Variants in NRXN3 observed in about 807,000 individuals in gnomAD.
NRXN3 encodes the protein neurexin III.
In NRXN3, 32 loss-of-function variants were observed where a neutral mutation model predicts 137.6. That is an observed-to-expected ratio of 0.23 (90% CI 0.18 to 0.31). The LOEUF is 0.31. NRXN3 is among the 10% of genes least tolerant of loss of function. The pLI is 1.00. For synonymous variants in NRXN3, 798 were observed against 784.5 expected (o/e 1.02, Z -0.29); for missense variants, 1,574 against 2,062.5 (o/e 0.76, Z 4.59).
chr14:79,354,000 A>G (rs1185536410), intron 15 of NRXN3, among the ~76,000 whole-genome samples: 1 of 152,158 alleles, frequency 6.6e-6, no homozygotes, highest in Non-Finnish European at 1.5e-5. Flanking sequence ...GCTGGTTTCT[A>G]TAACAGCTAC....
At chr14:79,540,993 G>C (rs1311551806) in intron 16 of NRXN3, among the ~76,000 whole-genome samples, 5 of 152,108 alleles carry the variant, frequency 3.3e-5, no homozygotes, top group Non-Finnish European at 7.4e-5. Context: ...TTCTGAAAAT[G>C]AATCCCTTCC....
chr14:79,595,873 T>C (rs1171954713), intron 16 of NRXN3, among the ~76,000 whole-genome samples: 1 of 152,206 alleles, frequency 6.6e-6, no homozygotes, highest in African/African-American at 2.4e-5. Flanking sequence ...AGTGCTGAGC[T>C]AGTACATTCT....
intron 10 of NRXN3, among the ~76,000 whole-genome samples, chr14:78,924,758 A>T (rs936164763): frequency 6.6e-6 from 1 of 152,202 alleles, no homozygotes; most frequent in African/African-American, 2.4e-5. Context: ...ACAGAACTTG[A>T]TGTAATTTCT....
intron 4 of NRXN3, among the ~76,000 whole-genome samples, chr14:78,320,191 G>A (rs1370083735): frequency 1.3e-5 from 2 of 152,190 alleles, no homozygotes; most frequent in Non-Finnish European, 2.9e-5. Flanking sequence ...CTTCCCCAGG[G>A]ACTAATCCAG....
intron 4 of NRXN3, among the ~76,000 whole-genome samples, chr14:78,507,503 C>T (rs1382999855): frequency 6.6e-6 from 1 of 152,214 alleles, no homozygotes; most frequent in African/African-American, 2.4e-5. Flanking sequence ...AGTTGGTGGA[C>T]TGGCTCTCCT....
At chr14:79,380,228 G>A (rs2094430635) in intron 15 of NRXN3, among the ~76,000 whole-genome samples, 1 of 145,192 alleles carries the variant, frequency 6.9e-6, no homozygotes, top group African/African-American at 2.6e-5. Context: ...TTAAGTTTTA[G>A]GGTACATGTG....
chr14:78,882,941 A>G lies in NRXN3; in HGVS notation c.2275+72597A>G, dbSNP rs535752981. 4.8e-4 allele frequency among the ~76,000 whole-genome samples: 71 copies of G among 148,426 alleles called. 3 individuals are homozygous for G. In the South Asian group the frequency reaches 8.3e-3, roughly 17 times the overall value. ...CAGTGGGAGGTACTTGAATCATGGG[A>G]GTGGTTACCCTCATGCTGTTCTCAT... On this transcript the variant is annotated intron_variant, in intron 10 of 20. Coordinates refer to ENST00000335750, the MANE Select transcript of NRXN3 (RefSeq NM_001330195.2).
rs554343928 is a variant in NRXN3 at position 79,033,000 on chromosome 14, T to A, written c.3262+44859T>A. Among the ~76,000 whole-genome samples, 411 of 152,236 alleles carry A rather than the reference T, an allele frequency of 2.7e-3. 2 individuals are homozygous for A. Among genetic ancestry groups the A allele is most frequent in the African/African-American group, 9.2e-3 (384 of 41,556 alleles). The stretch of plus-strand genomic sequence containing the variant: ...TTCAATTAATGTTAACTGTTACTAT[T>A]GTTGCCACCTCTAGACACTCATCCC... On this transcript the variant is annotated intron_variant, in intron 15 of 20. Transcript: ENST00000335750.
chr14:78,585,918 T>C (rs536718436), intron 4 of NRXN3, among the ~76,000 whole-genome samples: 2 of 152,324 alleles, frequency 1.3e-5, no homozygotes, highest in South Asian at 2.1e-4. Flanking sequence ...TTGAGAATCA[T>C]TAGCATACAC....
At chr14:78,610,040 G>A (rs2097287050) in intron 4 of NRXN3, among the ~76,000 whole-genome samples, 1 of 151,458 alleles carries the variant, frequency 6.6e-6, no homozygotes, top group African/African-American at 2.4e-5. Flanking sequence ...GGGAGGGAGA[G>A]AGAGAGAGAG....
At position 79,441,894 on chromosome 14, in the gene NRXN3, G is replaced by A. The variant is rs372518851; in HGVS notation, c.3263-25327G>A. On this transcript the variant is annotated intron_variant, in intron 15 of 20. Coordinates refer to ENST00000335750, the MANE Select transcript of NRXN3 (RefSeq NM_001330195.2). ...AAAAAAAAAACTGTCCTCCTTCTCC[G>A]CCAAATTCAGGATACATGTTTTATC... Among the ~76,000 whole-genome samples the A allele has an allele frequency of 3.8e-4, 57 of 149,168 alleles. 1 individual carries two copies. The highest frequency in any genetic ancestry group is 1.0e-3 in the African/African-American group (42 of 40,788).
At chr14:78,376,241 A>G (rs1597955675) in intron 4 of NRXN3, among the ~76,000 whole-genome samples, 1 of 152,236 alleles carries the variant, frequency 6.6e-6, no homozygotes, top group Admixed American at 6.5e-5. Context: ...CAGGATGGGT[A>G]TAAAGCAATG....
At chr14:79,720,158 CA>C (rs765736366) in intron 19 of NRXN3, among the ~76,000 whole-genome samples, 60 of 152,004 alleles carry the variant, frequency 3.9e-4, no homozygotes, top group African/African-American at 1.4e-3. Flanking sequence ...TGGTGGAAGG[CA>C]AAGGGGAAGA....
At chr14:78,709,885 A>G (rs925719928) in intron 7 of NRXN3, 1 of 533,180 alleles carries the variant, frequency 1.9e-6, no homozygotes, top group African/African-American at 1.9e-5. Flanking sequence ...TCTCAGTGAT[A>G]GCTCTACGAT....
At chr14:79,336,221 C>T (rs998811904) in intron 15 of NRXN3, among the ~76,000 whole-genome samples, 1 of 152,124 alleles carries the variant, frequency 6.6e-6, no homozygotes, top group Non-Finnish European at 1.5e-5. Context: ...TGCATAAACT[C>T]CAATTATTTC....
At chr14:79,290,375 A>G (rs2082972795) in intron 15 of NRXN3, among the ~76,000 whole-genome samples, 2 of 152,132 alleles carry the variant, frequency 1.3e-5, no homozygotes, top group Admixed American at 1.3e-4. Context: ...CTTAACATCT[A>G]TTTGCTTAGC....
chr14:78,423,928 T>C (rs568668982), intron 4 of NRXN3, among the ~76,000 whole-genome samples: 3 of 152,324 alleles, frequency 2.0e-5, no homozygotes, highest in African/African-American at 7.2e-5. Flanking sequence ...CACAAATATA[T>C]GAACAAGCGT....
chr14:79,242,485 C>A (rs750386620), intron 15 of NRXN3, among the ~76,000 whole-genome samples: 1 of 152,210 alleles, frequency 6.6e-6, no homozygotes, highest in South Asian at 2.1e-4. Flanking sequence ...AGCTTTGTGG[C>A]GTGTTTTAAT....
chr14:78,730,897 G>A (rs10130530), intron 8 of NRXN3, among the ~76,000 whole-genome samples: 3,770 of 152,284 alleles, frequency 0.025, 54 homozygotes, highest in African/African-American at 0.03. Context: ...TTCTGCAGGC[G>A]GAGATTGATG....
Sources: allele counts gnomAD v4.1 joint callset (sites outside exome capture counted in the v4.1 genomes callset), GRCh38; gene constraint gnomAD v4.1.1; transcripts MANE v1.5; gene names NCBI Gene and HGNC (gene_info 2026-07-23, HGNC 2026-07-21).